ZMAT4: variants seen among roughly 807,000 people sequenced by gnomAD.
ZMAT4 encodes the protein zinc finger matrin-type 4.
A neutral mutation model predicts 28.7 loss-of-function variants in ZMAT4; 17 were observed. The observed-to-expected ratio is 0.59, with a 90% confidence interval of 0.41 to 0.89. The LOEUF is 0.89. Ranked by LOEUF, ZMAT4 falls within the 40% of genes least tolerant of loss-of-function variation. The pLI is 0.00. For missense variants in ZMAT4, 240 were observed against 283.8 expected, an observed-to-expected ratio of 0.85 and a Z score of 1.11; for synonymous variants, 117 against 109.2, an observed-to-expected ratio of 1.07 and a Z score of -0.44.
intron 6 of ZMAT4, among the ~76,000 whole-genome samples, chr8:40,550,997 T>A (rs1803353150): frequency 6.6e-6 from 1 of 152,194 alleles, no homozygotes; most frequent in African/African-American, 2.4e-5. Context: ...TACATTTTCA[T>A]GTCCCTACTA....
chr8:40,784,725 G>A (rs1813990706), intron 2 of ZMAT4, among the ~76,000 whole-genome samples: 1 of 152,232 alleles, frequency 6.6e-6, no homozygotes, highest in African/African-American at 2.4e-5. Context: ...CCATTCAACG[G>A]AGAATCATTA....
At chr8:40,736,540 A>G (rs1167089262) in intron 3 of ZMAT4, among the ~76,000 whole-genome samples, 1 of 152,228 alleles carries the variant, frequency 6.6e-6, no homozygotes, top group Non-Finnish European at 1.5e-5. Flanking sequence ...CAAAATGAAG[A>G]GGCATCATGG....
intron 3 of ZMAT4, among the ~76,000 whole-genome samples, chr8:40,706,754 G>T (rs1810371932): frequency 6.6e-6 from 1 of 152,070 alleles, no homozygotes; most frequent in South Asian, 2.1e-4. Context: ...ACACCAAGCA[G>T]CCTGCCAAGA....
intron 1 of ZMAT4, among the ~76,000 whole-genome samples, chr8:40,849,781 T>C (rs1357722356): frequency 2.0e-5 from 3 of 152,058 alleles, no homozygotes; most frequent in Non-Finnish European, 4.4e-5. Flanking sequence ...TGGCACAGAG[T>C]AGATATGTGA....
intron 5 of ZMAT4, among the ~76,000 whole-genome samples, chr8:40,668,121 G>A (rs1226520828): frequency 1.3e-5 from 2 of 152,050 alleles, no homozygotes; most frequent in African/African-American, 4.8e-5. Flanking sequence ...ATAATAGGAG[G>A]AGCAGCTTCT....
At chr8:40,591,115 A>C (rs1468160292) in intron 5 of ZMAT4, among the ~76,000 whole-genome samples, 2 of 152,126 alleles carry the variant, frequency 1.3e-5, no homozygotes, top group Non-Finnish European at 2.9e-5. Flanking sequence ...CAGCCTATCA[A>C]CATATATTGT....
chr8:40,601,732 A>C (rs1007915855), intron 5 of ZMAT4, among the ~76,000 whole-genome samples: 1 of 148,650 alleles, frequency 6.7e-6, no homozygotes, highest in African/African-American at 2.5e-5. Flanking sequence ...AAAGAAAGAG[A>C]AAGCAGGCAG....
chr8:40,551,528 C>A (rs1355840229), intron 6 of ZMAT4, among the ~76,000 whole-genome samples: 1 of 152,098 alleles, frequency 6.6e-6, no homozygotes, highest in Non-Finnish European at 1.5e-5. Flanking sequence ...TTAGTGTAGT[C>A]TGGATGATCA....
chr8:40,743,149 A>T (rs1047739531), intron 3 of ZMAT4, among the ~76,000 whole-genome samples: 1 of 152,206 alleles, frequency 6.6e-6, no homozygotes, highest in African/African-American at 2.4e-5. Context: ...TTGTAATCAG[A>T]AAAGAAAATA....
At chr8:40,597,340 T>A (rs1179863514) in intron 5 of ZMAT4, among the ~76,000 whole-genome samples, 1 of 152,150 alleles carries the variant, frequency 6.6e-6, no homozygotes, top group African/African-American at 2.4e-5. Context: ...TTGACAATTG[T>A]CTAGTGGAGG....
At chr8:40,800,340 A>G (rs971577174) in intron 2 of ZMAT4, among the ~76,000 whole-genome samples, 2 of 91,642 alleles carry the variant, frequency 2.2e-5, no homozygotes, top group African/African-American at 7.8e-5. Flanking sequence ...AAAGCCAAAA[A>G]GCAGAAACTA....
At chr8:40,692,369 C>A (rs1437730700) in intron 4 of ZMAT4, among the ~76,000 whole-genome samples, 1 of 152,170 alleles carries the variant, frequency 6.6e-6, no homozygotes, top group East Asian at 1.9e-4. Context: ...CACTCATATC[C>A]ATTTTTACTG....
chr8:40,830,666 T>C (rs1023711760), intron 1 of ZMAT4, among the ~76,000 whole-genome samples: 11 of 152,224 alleles, frequency 7.2e-5, no homozygotes, highest in Non-Finnish European at 1.5e-4. Context: ...TTTTGGGGTA[T>C]CTGTGTGGAG....
At chr8:40,750,819 C>T (rs1338963419) in intron 3 of ZMAT4, among the ~76,000 whole-genome samples, 1 of 152,216 alleles carries the variant, frequency 6.6e-6, no homozygotes, top group African/African-American at 2.4e-5. Flanking sequence ...AAAACAAACA[C>T]CAGCATTGGA....
At chr8:40,673,290 C>T (rs1808761305) in intron 5 of ZMAT4, among the ~76,000 whole-genome samples, 1 of 152,092 alleles carries the variant, frequency 6.6e-6, no homozygotes, top group Admixed American at 6.6e-5. Flanking sequence ...TGACCTGTCC[C>T]TCCTCTCAAC....
intron 2 of ZMAT4, among the ~76,000 whole-genome samples, chr8:40,774,140 A>G (rs1813496085): frequency 6.6e-6 from 1 of 152,184 alleles, no homozygotes; most frequent in Non-Finnish European, 1.5e-5. Context: ...TGCAGCATGT[A>G]AAAGAAAATG....
chr8:40,747,196 C>T (rs769953258), intron 3 of ZMAT4, among the ~76,000 whole-genome samples: 65 of 152,128 alleles, frequency 4.3e-4, no homozygotes, highest in Non-Finnish European at 7.2e-4. Flanking sequence ...TCCACTGATC[C>T]GTTTGGTTTA....
At chr8:40,745,755 A>T (rs990416524) in intron 3 of ZMAT4, among the ~76,000 whole-genome samples, 1 of 152,128 alleles carries the variant, frequency 6.6e-6, no homozygotes, top group Admixed American at 6.5e-5. Flanking sequence ...TATCTCTAAG[A>T]TCATCAAAAT....
Position 40,622,460 on chromosome 8 carries a change from G to C in ZMAT4, c.578-41199C>G, listed in dbSNP as rs185768176. Reference sequence around the variant, plus strand: ...AAAGAACACTGGCAGAATTAGCTCTGCCCTAAACCATGTTACCAACTGGGT... The same window carrying C: ...AAAGAACACTGGCAGAATTAGCTCTCCCCTAAACCATGTTACCAACTGGGT... On this transcript the variant is annotated intron_variant, in intron 5 of 6. Transcript: ENST00000297737. Among the ~76,000 whole-genome samples, 17 of 152,312 alleles carry C rather than the reference G, an allele frequency of 1.1e-4. 1 individual carries two copies. The highest frequency in any genetic ancestry group is 3.4e-3 in the Middle Eastern group (1 of 294).
Sources: allele counts gnomAD v4.1 joint callset (sites outside exome capture counted in the v4.1 genomes callset), GRCh38; gene constraint gnomAD v4.1.1; transcripts MANE v1.5; gene names NCBI Gene and HGNC (gene_info 2026-07-23, HGNC 2026-07-21).